Variants in CTNNA2 observed in about 807,000 individuals in gnomAD.
The protein encoded by CTNNA2 is catenin alpha 2.
CTNNA2 carries 42 observed loss-of-function variants against 101.0 expected under a neutral mutation model. The observed-to-expected ratio is 0.42, with a 90% CI of 0.32 to 0.54. The LOEUF (loss-of-function observed/expected upper bound fraction) is 0.54, where lower values mean the gene tolerates loss of function less well. CTNNA2 is among the 20% of genes least tolerant of loss of function. The probability of loss-of-function intolerance (pLI) is 0.14; values close to 1 mark genes in which losing one functional copy is unlikely to be tolerated. For missense variants in CTNNA2, 871 were observed against 1,223.1 expected (o/e 0.71, Z 4.29); for synonymous variants, 450 against 456.4 (o/e 0.99, Z 0.18).
Position 79,846,842 on chromosome 2 carries a change from A to G in CTNNA2, c.299-11171A>G, listed in dbSNP as rs1276746584. Reference sequence around the variant, plus strand: ...AGTAATTTAGATACTGAAATAGCTCAGAGTAACTTGTGACTGTTTTAATTG... The same window carrying G: ...AGTAATTTAGATACTGAAATAGCTCGGAGTAACTTGTGACTGTTTTAATTG... On this transcript the variant is annotated intron_variant, in intron 3 of 18. Transcript: ENST00000402739. Among the ~76,000 whole-genome samples the G allele has an allele frequency of 1.9e-4, 29 of 152,378 alleles. 1 individual carries two copies. Among genetic ancestry groups the G allele is most frequent in the Non-Finnish European group, 5.9e-5 (4 of 68,040 alleles).
chr2:79,385,475 C>A (rs1242872872), intron 4 of CTNNA2, among the ~76,000 whole-genome samples: 1 of 151,580 alleles, frequency 6.6e-6, no homozygotes, highest in Admixed American at 6.6e-5. Flanking sequence ...ATGCAGCTAG[C>A]AAACAGGGTT....
intron 1 of CTNNA2, among the ~76,000 whole-genome samples, chr2:79,565,385 C>T (rs1675047186): frequency 1.3e-5 from 2 of 152,030 alleles, no homozygotes; most frequent in Admixed American, 1.3e-4. Flanking sequence ...GGACGAACTT[C>T]CTGAGGCCCC....
intron 4 of CTNNA2, among the ~76,000 whole-genome samples, chr2:79,437,831 T>C (rs1055277771): frequency 1.1e-4 from 16 of 152,176 alleles, no homozygotes; most frequent in African/African-American, 3.9e-4. Flanking sequence ...TCTAACGCGC[T>C]GCTCTTTGTT....
intron 18 of CTNNA2, among the ~76,000 whole-genome samples, chr2:80,635,675 C>A (rs1672798050): frequency 1.3e-5 from 2 of 152,084 alleles, no homozygotes; most frequent in African/African-American, 4.8e-5. Context: ...AATCATAGCC[C>A]TCTCCTGTGC....
chr2:80,273,268 T>A (rs1032836805), intron 7 of CTNNA2, among the ~76,000 whole-genome samples: 3 of 152,172 alleles, frequency 2.0e-5, no homozygotes, highest in Admixed American at 1.3e-4. Flanking sequence ...TGGAATCGAT[T>A]TTTCTTACAT....
chr2:79,844,979 T>TAACACACACACACAC (rs142944081), intron 3 of CTNNA2, among the ~76,000 whole-genome samples: 6 of 140,214 alleles, frequency 4.3e-5, no homozygotes, highest in Admixed American at 7.3e-5. Context: ...GAAAACAAAC[T>TAACACACACACACAC]ACACACACAC....
chr2:80,608,692 C>A (rs533369450), intron 17 of CTNNA2, among the ~76,000 whole-genome samples: 50 of 151,854 alleles, frequency 3.3e-4, no homozygotes, highest in African/African-American at 1.2e-3. Flanking sequence ...CAGGAGCCAG[C>A]CTCTCTATGT....
chr2:80,477,702 G>A (rs1685833264), intron 9 of CTNNA2, among the ~76,000 whole-genome samples: 1 of 151,130 alleles, frequency 6.6e-6, no homozygotes, highest in African/African-American at 2.4e-5. Flanking sequence ...TCTTTCTTAT[G>A]GCTGAGTAGT....
chr2:79,783,739 C>T (rs1453859288), intron 3 of CTNNA2, among the ~76,000 whole-genome samples: 1 of 152,156 alleles, frequency 6.6e-6, no homozygotes, highest in African/African-American at 2.4e-5. Flanking sequence ...TCTCAAAATG[C>T]ACACACATAC....
chr2:79,873,885 A>G (rs759785584), intron 5 of CTNNA2, among the ~76,000 whole-genome samples, 191 bp from the exon 6 acceptor site: 17 of 152,178 alleles, frequency 1.1e-4, no homozygotes, highest in Non-Finnish European at 2.4e-4. Context: ...CTAGGTCACT[A>G]TAGAGACCTA....
intron 4 of CTNNA2, among the ~76,000 whole-genome samples, chr2:79,398,982 G>T (rs1678261021): frequency 6.6e-6 from 1 of 151,936 alleles, no homozygotes; most frequent in Non-Finnish European, 1.5e-5. Flanking sequence ...AACTATGGTA[G>T]ACTATGAGCC....
intron 3 of CTNNA2, among the ~76,000 whole-genome samples, chr2:79,338,750 T>A (rs1677064271): frequency 6.6e-6 from 1 of 152,018 alleles, no homozygotes; most frequent in African/African-American, 2.4e-5. Context: ...CAAAGGATGG[T>A]CATAATCTGG....
intron 7 of CTNNA2, among the ~76,000 whole-genome samples, chr2:80,143,102 C>A (rs900261138): frequency 6.6e-6 from 1 of 152,292 alleles, no homozygotes. Flanking sequence ...ATGCCTTATT[C>A]TCCAGCAGCT....
intron 7 of CTNNA2, among the ~76,000 whole-genome samples, chr2:80,130,620 C>A (rs1251161124): frequency 6.6e-6 from 1 of 152,102 alleles, no homozygotes; most frequent in Non-Finnish European, 1.5e-5. Flanking sequence ...AGTCAACCTG[C>A]GATGGTGGTT....
chr2:79,713,260 A>T (rs1223869601), intron 2 of CTNNA2, among the ~76,000 whole-genome samples: 1 of 152,060 alleles, frequency 6.6e-6, no homozygotes, highest in African/African-American at 2.4e-5. Flanking sequence ...AATTTATCAC[A>T]TTCCCTTGAA....
At chr2:80,560,936 T>C (rs1288727237) in intron 12 of CTNNA2, among the ~76,000 whole-genome samples, 1 of 152,118 alleles carries the variant, frequency 6.6e-6, no homozygotes, top group East Asian at 1.9e-4. Flanking sequence ...ATGAGAACTT[T>C]ACACTTTGTC....
chr2:79,403,686 T>G (rs572133004), intron 4 of CTNNA2, among the ~76,000 whole-genome samples: 1 of 151,944 alleles, frequency 6.6e-6, no homozygotes, highest in Non-Finnish European at 1.5e-5. Flanking sequence ...TATGCCTTAG[T>G]AGGAATCAGA....
At chr2:79,589,810 G>A (rs539758834) in intron 1 of CTNNA2, among the ~76,000 whole-genome samples, 2 of 151,358 alleles carry the variant, frequency 1.3e-5, no homozygotes, top group African/African-American at 4.8e-5. Flanking sequence ...AATTGGTGAA[G>A]TTTACTATCG....
intron 7 of CTNNA2, among the ~76,000 whole-genome samples, chr2:79,949,354 A>G (rs914217399): frequency 6.6e-6 from 1 of 152,196 alleles, no homozygotes; most frequent in Admixed American, 6.5e-5. Flanking sequence ...GGAATGTTCT[A>G]GACTGATTGT....
Sources: gnomAD v4.1 joint callset for allele counts (sites outside exome capture counted in the v4.1 genomes callset) on GRCh38, gnomAD v4.1.1 for gene constraint, MANE v1.5 for transcripts, NCBI Gene and HGNC (gene_info 2026-07-23, HGNC 2026-07-21) for gene names.